The following DCAF8L2 variants were observed in gnomAD, a reference collection of about 807,000 sequenced individuals.
DCAF8L2 encodes DDB1- and CUL4-associated factor 8-like protein 2.
For missense variants in DCAF8L2, 430 were observed against 490.7 expected, an observed-to-expected ratio of 0.88 and a Z score of 1.17; for synonymous variants, 200 against 190.9, an observed-to-expected ratio of 1.05 and a Z score of -0.39.
At chrX:27,533,164 G>GAGAAAGAAAGAAAGAAAGAAAGAA in the DCAF8L2 span, among the ~76,000 whole-genome samples, 5 of 17,353 alleles carry the variant, frequency 2.9e-4, no homozygotes, top group Admixed American at 9.4e-4. Context: ...GAGAGAGAGA[G>GAGAAAGAAAGAAAGAAAGAAAGAA]AGAAAGAAAG....
intron 4 of DCAF8L2, among the ~76,000 whole-genome samples, chrX:27,720,823 CT>C (rs1395876623): frequency 9.0e-6 from 1 of 111,654 alleles, no homozygotes; most frequent in Non-Finnish European, 1.9e-5. Context: ...TGTGTGTGTT[CT>C]TTAAGTTAAT....
chrX:27,696,102 G>A, intron 3 of DCAF8L2, among the ~76,000 whole-genome samples: 1 of 107,974 alleles, frequency 9.3e-6, no homozygotes, highest in Non-Finnish European at 1.9e-5. Context: ...GGGAGGCTGA[G>A]GCAGGATAAT....
chrX:27,622,025 T>TAAAAAAAAAAAAAAAAAAAA (rs1569163104), intron 1 of DCAF8L2, among the ~76,000 whole-genome samples: 1 of 108,948 alleles, frequency 9.2e-6, no homozygotes, highest in African/African-American at 3.4e-5. Flanking sequence ...AAGATGTTAG[T>TAAAAAAAAAAAAAAAAAAAA]AAGAATATAT....
intron 3 of DCAF8L2, among the ~76,000 whole-genome samples, chrX:27,679,330 A>G (rs1181834273): frequency 1.9e-5 from 2 of 107,413 alleles, no homozygotes; most frequent in African/African-American, 6.8e-5. Flanking sequence ...TTTTTTTCCT[A>G]TTTAATTTGT....
At chrX:27,628,917 G>T (rs754583397) in intron 1 of DCAF8L2, among the ~76,000 whole-genome samples, 11 of 111,500 alleles carry the variant, frequency 9.9e-5, no homozygotes, top group African/African-American at 3.6e-4. Flanking sequence ...CCTATTATGT[G>T]TGAAGTGATA....
At chrX:27,684,274 G>T (rs780959813) in intron 3 of DCAF8L2, among the ~76,000 whole-genome samples, 2 of 111,376 alleles carry the variant, frequency 1.8e-5, no homozygotes, top group Non-Finnish European at 3.8e-5. Context: ...GAAGCAGTAT[G>T]GGAAGGAGGG....
intron 2 of DCAF8L2, among the ~76,000 whole-genome samples, chrX:27,640,734 T>G (rs12557135): frequency 0.024 from 2,665 of 112,275 alleles, 46 homozygotes; most frequent in Non-Finnish European, 0.035. Context: ...TAAATCTTTG[T>G]CTGCCCTTCA....
chrX:27,670,037 C>A (rs1929889530), intron 2 of DCAF8L2, among the ~76,000 whole-genome samples: 1 of 111,027 alleles, frequency 9.0e-6, no homozygotes, highest in Non-Finnish European at 1.9e-5. Context: ...TATAACCTAC[C>A]CAATATTTCT....
the DCAF8L2 span, among the ~76,000 whole-genome samples, chrX:27,484,529 T>C: frequency 9.0e-6 from 1 of 111,555 alleles, no homozygotes; most frequent in South Asian, 3.7e-4. Flanking sequence ...CTAAATAAAA[T>C]ATCTCCTGTA....
chrX:27,741,582 T>G (rs775176211), intron 4 of DCAF8L2, among the ~76,000 whole-genome samples: 24 of 111,728 alleles, frequency 2.1e-4, no homozygotes, highest in Non-Finnish European at 4.1e-4. Context: ...CAAAGTTCCT[T>G]GTGCTAGCTA....
chrX:27,554,285 C>A, the DCAF8L2 span, among the ~76,000 whole-genome samples: 2 of 111,780 alleles, frequency 1.8e-5, no homozygotes, highest in Admixed American at 1.9e-4. Context: ...CATAAAGATT[C>A]TCATCTCCTG....
the DCAF8L2 span, among the ~76,000 whole-genome samples, chrX:27,473,707 T>C: frequency 9.0e-6 from 1 of 110,976 alleles, no homozygotes; most frequent in Middle Eastern, 4.6e-3. Context: ...AAGAGAAATA[T>C]CATTCTAATA....
the DCAF8L2 span, among the ~76,000 whole-genome samples, chrX:27,570,154 A>C: frequency 9.0e-6 from 1 of 110,931 alleles, no homozygotes; most frequent in Admixed American, 9.6e-5. Context: ...GAAACTTGGT[A>C]GGGGAAGGGA....
chrX:27,531,233 C>T, the DCAF8L2 span, among the ~76,000 whole-genome samples: 3 of 111,521 alleles, frequency 2.7e-5, no homozygotes, highest in Admixed American at 9.6e-5. Flanking sequence ...GAATGTGGAG[C>T]AAGGTCATGT....
chrX:27,567,546 C>CATATATATATATATAT, the DCAF8L2 span, among the ~76,000 whole-genome samples: 3 of 29,622 alleles, frequency 1.0e-4, no homozygotes, highest in African/African-American at 3.5e-4. Flanking sequence ...ACCACTGTAG[C>CATATATATATATATAT]ATATATATAT....
At chrX:27,518,191 T>C in the DCAF8L2 span, 1 of 920,316 alleles carries the variant, frequency 1.1e-6, no homozygotes, top group Non-Finnish European at 1.6e-6. Context: ...TGCAGTTCTT[T>C]TGGCTTCCTA....
intron 4 of DCAF8L2, among the ~76,000 whole-genome samples, chrX:27,721,002 T>C (rs1931884106): frequency 1.8e-5 from 2 of 112,171 alleles, no homozygotes; most frequent in African/African-American, 6.4e-5. Context: ...TATTGGTCTT[T>C]GTATTTGTAT....
chrX:27,531,179 G>A, the DCAF8L2 span, among the ~76,000 whole-genome samples: 7 of 111,819 alleles, frequency 6.3e-5, no homozygotes, highest in East Asian at 2.8e-4. Context: ...TAATTGGCTC[G>A]CAGTTCCACA....
At chrX:27,741,291 G>C (rs964611235) in intron 4 of DCAF8L2, among the ~76,000 whole-genome samples, 2 of 110,561 alleles carry the variant, frequency 1.8e-5, no homozygotes, top group Non-Finnish European at 3.8e-5. Flanking sequence ...CAAATCTTCT[G>C]TTAAAATTTG....
Sources: gnomAD v4.1 joint callset for allele counts (sites outside exome capture counted in the v4.1 genomes callset) on GRCh38, gnomAD v4.1.1 for gene constraint, MANE v1.5 for transcripts, NCBI Gene and HGNC (gene_info 2026-07-23, HGNC 2026-07-21) for gene names.